NRXN3: variants seen among roughly 807,000 people sequenced by gnomAD.
The protein encoded by NRXN3 is neurexin III.
In NRXN3, 32 loss-of-function variants were observed where a neutral mutation model predicts 137.6. That is an observed-to-expected ratio of 0.23 (90% confidence interval 0.18 to 0.31). NRXN3 has a LOEUF of 0.31. Among genes scored for constraint, NRXN3 ranks in the 10% least tolerant of loss-of-function variants. The pLI is 1.00. For missense variants in NRXN3, 1,574 were observed against 2,062.5 expected, an observed-to-expected ratio of 0.76 and a Z score of 4.59; for synonymous variants, 798 against 784.5, an observed-to-expected ratio of 1.02 and a Z score of -0.29.
intron 16 of NRXN3, among the ~76,000 whole-genome samples, chr14:79,648,740 C>A (rs1603339175): frequency 6.6e-6 from 1 of 152,058 alleles, no homozygotes; most frequent in Non-Finnish European, 1.5e-5. Flanking sequence ...GGCCAGTATG[C>A]AATGACTACT....
chr14:79,712,744 G>T (rs1316631233), intron 19 of NRXN3, among the ~76,000 whole-genome samples: 8 of 152,042 alleles, frequency 5.3e-5, no homozygotes, highest in Non-Finnish European at 8.8e-5. Context: ...TGTCTTGGAG[G>T]TCTCCCTTCT....
chr14:78,474,989 G>A (rs974690448), intron 4 of NRXN3, among the ~76,000 whole-genome samples: 2 of 152,148 alleles, frequency 1.3e-5, no homozygotes, highest in Admixed American at 6.5e-5. Context: ...AGGTGGTTTT[G>A]ATGTAAGTGA....
chr14:79,177,960 G>A (rs2062515381), intron 15 of NRXN3, among the ~76,000 whole-genome samples: 1 of 152,204 alleles, frequency 6.6e-6, no homozygotes, highest in South Asian at 2.1e-4. Flanking sequence ...TTGAAGAATA[G>A]TCCATCATTT....
intron 20 of NRXN3, among the ~76,000 whole-genome samples, chr14:79,860,495 T>C (rs947749362): frequency 2.0e-5 from 3 of 152,192 alleles, no homozygotes; most frequent in Non-Finnish European, 2.9e-5. Context: ...TTAATAAGTG[T>C]GAAATAAAAG....
chr14:78,377,980 G>A (rs1190348668), intron 4 of NRXN3, among the ~76,000 whole-genome samples: 1 of 152,036 alleles, frequency 6.6e-6, no homozygotes, highest in Non-Finnish European at 1.5e-5. Flanking sequence ...TTTTTTGCAG[G>A]TGTCCATAGA....
intron 15 of NRXN3, among the ~76,000 whole-genome samples, chr14:79,257,388 A>ATGGTGGTGGTGGTGGTGG (rs1555899794): frequency 3.2e-5 from 1 of 31,456 alleles, no homozygotes; most frequent in African/African-American, 1.4e-4. Flanking sequence ...GGTGGTGGTG[A>ATGGTGGTGGTGGTGGTGG]TGGTGGTGGT....
At chr14:79,022,159 T>C (rs2099590733) in intron 15 of NRXN3, among the ~76,000 whole-genome samples, 1 of 152,238 alleles carries the variant, frequency 6.6e-6, no homozygotes, top group South Asian at 2.1e-4. Context: ...AAGTCCTATA[T>C]ATTCCAGCTA....
intron 15 of NRXN3, among the ~76,000 whole-genome samples, chr14:79,012,280 G>A (rs2099572539): frequency 6.6e-6 from 1 of 152,070 alleles, no homozygotes; most frequent in African/African-American, 2.4e-5. Context: ...TGAAGTGAGT[G>A]GGGTGGCCTG....
chr14:79,575,382 C>A lies in NRXN3; in HGVS notation c.3445-88396C>A, dbSNP rs567525481. Among the ~76,000 whole-genome samples the A allele has an allele frequency of 3.3e-5, 5 of 152,100 alleles. No individual in the cohort carries two copies. In the East Asian group the frequency reaches 9.7e-4, roughly 29 times the overall value. ...AACAAATTTATTTGAAATATGGTTG[C>A]AGTGGAGCAGGGAGAGTGAATTCAG... On this transcript the variant is annotated intron_variant, in intron 16 of 20. Transcript: ENST00000335750.
At chr14:78,492,779 C>A (rs1369764309) in intron 4 of NRXN3, among the ~76,000 whole-genome samples, 1 of 152,180 alleles carries the variant, frequency 6.6e-6, no homozygotes, top group African/African-American at 2.4e-5. Flanking sequence ...TTTTATCCTT[C>A]ATTGTTGTTT....
intron 16 of NRXN3, among the ~76,000 whole-genome samples, chr14:79,496,043 C>A (rs1461157598): frequency 6.6e-6 from 1 of 151,828 alleles, no homozygotes; most frequent in African/African-American, 2.4e-5. Context: ...GGTTTTGTTA[C>A]CTTGCACTAA....
intron 15 of NRXN3, among the ~76,000 whole-genome samples, chr14:79,020,220 TCCCCTCCCCTCCCCTCCCCTCCCCTCC>T (rs2099586958): frequency 3.3e-4 from 1 of 3,004 alleles, no homozygotes; most frequent in African/African-American, 1.4e-3. Flanking sequence ...TCCCCTCCCC[TCCCCTCCCCTCCCCTCCCCTCCCCTCC>T]CCTCCCCTCC....
At chr14:79,850,816 A>G (rs2099389911) in intron 20 of NRXN3, among the ~76,000 whole-genome samples, 1 of 152,340 alleles carries the variant, frequency 6.6e-6, no homozygotes, top group Non-Finnish European at 1.5e-5. Flanking sequence ...TTTGTATCTT[A>G]GAGACCAAAC....
At chr14:79,559,906 A>G (rs1037263893) in intron 16 of NRXN3, among the ~76,000 whole-genome samples, 1 of 152,164 alleles carries the variant, frequency 6.6e-6, no homozygotes, top group Non-Finnish European at 1.5e-5. Flanking sequence ...GGCAGCTTGC[A>G]TCCCTGAGGA....
chr14:78,317,121 T>A (rs928708750), intron 4 of NRXN3, among the ~76,000 whole-genome samples: 3 of 152,190 alleles, frequency 2.0e-5, no homozygotes, highest in Admixed American at 2.0e-4. Flanking sequence ...TGAGAACCGA[T>A]GGTGTCAATC....
At chr14:78,437,877 TAGA>T (rs1223465951) in intron 4 of NRXN3, among the ~76,000 whole-genome samples, 2 of 151,996 alleles carry the variant, frequency 1.3e-5, no homozygotes, top group African/African-American at 2.4e-5. Flanking sequence ...GTAAGAGAAG[TAGA>T]AGGAGAGACC....
chr14:79,235,201 C>T (rs2153309081), intron 15 of NRXN3, among the ~76,000 whole-genome samples: 1 of 152,072 alleles, frequency 6.6e-6, no homozygotes, highest in Non-Finnish European at 1.5e-5. Context: ...AGACAGCATA[C>T]CTATATTTGT....
intron 10 of NRXN3, among the ~76,000 whole-genome samples, chr14:78,888,207 G>T (rs1487607505): frequency 6.6e-6 from 1 of 152,032 alleles, no homozygotes; most frequent in Admixed American, 6.6e-5. Context: ...GGAAACATTG[G>T]TGAACAATGG....
intron 4 of NRXN3, among the ~76,000 whole-genome samples, chr14:78,470,691 GAA>G (rs1375363696): frequency 6.6e-6 from 1 of 151,916 alleles, no homozygotes; most frequent in African/African-American, 2.4e-5. Flanking sequence ...AAAGAGAAGA[GAA>G]ATGGAGATGG....
Sources: gnomAD v4.1 joint callset for allele counts (sites outside exome capture counted in the v4.1 genomes callset) on GRCh38, gnomAD v4.1.1 for gene constraint, MANE v1.5 for transcripts, NCBI Gene and HGNC (gene_info 2026-07-23, HGNC 2026-07-21) for gene names.